Variants in SH3RF2 observed in about 807,000 individuals in gnomAD.
The protein encoded by SH3RF2 is E3 ubiquitin-protein ligase SH3RF2.
SH3RF2 carries 43 observed loss-of-function variants against 59.0 expected under a neutral mutation model. That is an observed-to-expected ratio of 0.73 (90% confidence interval 0.57 to 0.94). The LOEUF (loss-of-function observed/expected upper bound fraction) is 0.94, where lower values mean the gene tolerates loss of function less well. Ranked by LOEUF, SH3RF2 falls within the 40% of genes least tolerant of loss-of-function variation. The probability of loss-of-function intolerance (pLI) is 0.00; values close to 1 mark genes in which losing one functional copy is unlikely to be tolerated. For synonymous variants in SH3RF2, 391 were observed against 391.5 expected (o/e 1.00, Z 0.01); for missense variants, 930 against 940.1 (o/e 0.99, Z 0.14).
rs1561735938 is a variant in SH3RF2 at position 146,004,106 on chromosome 5, G to A, written c.697G>A (p.Gly233Ser). ...CCGAGTGGATGAGAACTGGGCAGAA[G>A]GCAAGTTAGGAGATAAAGTAGGCAT... ...ISRVDENWAE[G>S]KLGDKVGIFP... The change falls in exon 4 of 10, where the codon GGC becomes AGC. Residue 233 changes from glycine to serine, a missense_variant. By Grantham distance (56) the Gly-to-Ser change is moderately conservative. Coordinates refer to ENST00000359120, the MANE Select transcript of SH3RF2 (RefSeq NM_152550.4). 1.2e-6 allele frequency: 2 copies of A among 1,613,034 alleles called. No homozygotes were observed. Among genetic ancestry groups the A allele is most frequent in the Non-Finnish European group, 8.5e-7 (1 of 1,179,272 alleles).
chr5:145,986,357 T>G (rs1261746682), intron 2 of SH3RF2, among the ~76,000 whole-genome samples: 1 of 152,190 alleles, frequency 6.6e-6, no homozygotes, highest in Admixed American at 6.5e-5. Flanking sequence ...ACTCATTTTT[T>G]TCTCACTCTG....
At chr5:146,043,301 C>G (rs1762188634) in intron 5 of SH3RF2, among the ~76,000 whole-genome samples, 1 of 152,206 alleles carries the variant, frequency 6.6e-6, no homozygotes, top group Non-Finnish European at 1.5e-5. Context: ...CTTGGTTTCT[C>G]TCCTATTCAG....
chr5:145,999,087 G>A (rs910766586), intron 2 of SH3RF2, among the ~76,000 whole-genome samples: 3 of 151,110 alleles, frequency 2.0e-5, no homozygotes, highest in African/African-American at 7.3e-5. Flanking sequence ...TGCTGGTGGT[G>A]GGTCTTGCCT....
At chr5:146,026,340 C>T (rs546441581) in intron 5 of SH3RF2, among the ~76,000 whole-genome samples, 15 of 152,192 alleles carry the variant, frequency 9.9e-5, no homozygotes, top group Non-Finnish European at 1.9e-4. Context: ...AGATACATCA[C>T]GAGCGAGGCC....
intron 2 of SH3RF2, among the ~76,000 whole-genome samples, chr5:145,955,341 G>A (rs1029333018): frequency 6.6e-6 from 1 of 152,130 alleles, no homozygotes; most frequent in Non-Finnish European, 1.5e-5. Flanking sequence ...CCTGTAAGTG[G>A]GAGCTAAACA....
intron 2 of SH3RF2, among the ~76,000 whole-genome samples, chr5:145,993,332 T>C (rs1261232856): frequency 6.6e-6 from 1 of 152,160 alleles, no homozygotes; most frequent in Non-Finnish European, 1.5e-5. Context: ...TACCATTCTG[T>C]GGTCTGGAGG....
At chr5:146,007,874 C>A (rs1760711370) in intron 4 of SH3RF2, among the ~76,000 whole-genome samples, 1 of 152,156 alleles carries the variant, frequency 6.6e-6, no homozygotes. Flanking sequence ...CTTTTTAAAG[C>A]AGCACTTAAA....
At chr5:145,987,937 G>T (rs1759777843) in intron 2 of SH3RF2, among the ~76,000 whole-genome samples, 1 of 152,136 alleles carries the variant, frequency 6.6e-6, no homozygotes, top group Non-Finnish European at 1.5e-5. Flanking sequence ...TGTGCTCAGG[G>T]GTCCCAAGAT....
At chr5:145,972,560 C>T (rs556360228) in intron 2 of SH3RF2, among the ~76,000 whole-genome samples, 11 of 152,326 alleles carry the variant, frequency 7.2e-5, no homozygotes, top group South Asian at 6.2e-4. Context: ...TCATCAGTGA[C>T]GGCCCAGAGC....
intron 2 of SH3RF2, chr5:145,997,848 C>T: frequency 1.6e-6 from 2 of 1,271,432 alleles, no homozygotes; most frequent in Non-Finnish European, 2.3e-6. Flanking sequence ...AAAAACAACT[C>T]ACATCTTGAA....
At chr5:145,985,202 A>T (rs1483383294) in intron 2 of SH3RF2, among the ~76,000 whole-genome samples, 1 of 152,226 alleles carries the variant, frequency 6.6e-6, no homozygotes, top group Non-Finnish European at 1.5e-5. Context: ...ACTGAGAGGG[A>T]AGAAGTCCAA....
intron 2 of SH3RF2, among the ~76,000 whole-genome samples, chr5:145,973,198 G>C (rs1399548734): frequency 6.6e-6 from 1 of 152,152 alleles, no homozygotes; most frequent in East Asian, 1.9e-4. Flanking sequence ...AAGGCTCTAA[G>C]GTAAGACAGA....
chr5:146,020,018 G>A (rs761734991), intron 5 of SH3RF2, among the ~76,000 whole-genome samples: 22 of 151,844 alleles, frequency 1.4e-4, no homozygotes, highest in Non-Finnish European at 2.6e-4. Flanking sequence ...GAGTCTTTAG[G>A]GTTTTCTAGG....
At chr5:145,953,562 A>T (rs1758275483) in intron 2 of SH3RF2, among the ~76,000 whole-genome samples, 1 of 152,146 alleles carries the variant, frequency 6.6e-6, no homozygotes, top group Admixed American at 6.6e-5. Context: ...TTACTTGTTT[A>T]ACTTTTATTT....
chr5:146,047,101 T>C (rs150192621), intron 5 of SH3RF2, among the ~76,000 whole-genome samples: 228 of 151,932 alleles, frequency 1.5e-3, no homozygotes, highest in South Asian at 2.5e-3. Context: ...TCCTCTTTTA[T>C]CCTAGAAAAG....
intron 2 of SH3RF2, among the ~76,000 whole-genome samples, chr5:145,981,691 T>C (rs1347673108): frequency 6.6e-6 from 1 of 152,222 alleles, no homozygotes; most frequent in Non-Finnish European, 1.5e-5. Context: ...TCTAACACAG[T>C]AGACACTAGC....
At chr5:145,964,255 TTTCTTC>T (rs1260328883) in intron 2 of SH3RF2, among the ~76,000 whole-genome samples, 8 of 150,862 alleles carry the variant, frequency 5.3e-5, no homozygotes, top group Non-Finnish European at 1.2e-4. Context: ...TTTCTCTTTC[TTTCTTC>T]TTTCCCTTCT....
rs143306266 is a variant in SH3RF2, at chr5:145,996,193, C to T, written c.379-3865C>T. On this transcript the variant is annotated intron_variant, in intron 2 of 9. Coordinates refer to ENST00000359120, the MANE Select transcript of SH3RF2 (RefSeq NM_152550.4). ...GAATTCTTCTTTCAAATGATCATTG[C>T]GGATTCAGGAGATCCATGAAGACCT... Among the ~76,000 whole-genome samples the T allele has an allele frequency of 1.8e-4, 27 of 152,284 alleles. No individual in the cohort carries two copies. In the East Asian group the frequency reaches 2.5e-3, roughly 14 times the overall value.
chr5:146,046,416 A>C (rs1194425803), intron 5 of SH3RF2, among the ~76,000 whole-genome samples: 1 of 133,756 alleles, frequency 7.5e-6, no homozygotes, highest in Non-Finnish European at 1.7e-5. Flanking sequence ...GTACCCACAA[A>C]AGCATAGTCC....
Sources: allele counts gnomAD v4.1 joint callset (sites outside exome capture counted in the v4.1 genomes callset), GRCh38; gene constraint gnomAD v4.1.1; transcripts MANE v1.5; gene names NCBI Gene and HGNC (gene_info 2026-07-23, HGNC 2026-07-21).